Variants in BRWD1 observed in about 807,000 individuals in gnomAD.
BRWD1 encodes the protein bromodomain and WD repeat domain containing 1.
A neutral mutation model predicts 251.2 loss-of-function variants in BRWD1; 82 were observed. That is an observed-to-expected ratio of 0.33 (90% CI 0.27 to 0.39). BRWD1 has a LOEUF of 0.39. Among genes scored for constraint, BRWD1 ranks in the 10% least tolerant of loss-of-function variants. The pLI is 1.00. For missense variants in BRWD1, 2,233 were observed against 2,711.6 expected (o/e 0.82, Z 3.92); for synonymous variants, 918 against 902.8 (o/e 1.02, Z -0.30).
rs115462950 is a variant in BRWD1 at position 39,206,186 on chromosome 21, T to C, written c.4286A>G (p.Asn1429Ser). Reference sequence around the variant, plus strand: ...CCTCTGGCTTCTTCGAAGTTTTTCATTGAATTTTTGACCAATTTTAAAATC... The same window carrying C: ...CCTCTGGCTTCTTCGAAGTTTTTCACTGAATTTTTGACCAATTTTAAAATC... ...SSDFKIGQKF[N>S]EKLRRSQRFK... is the part of the protein sequence containing the mutation. The change falls in exon 37 of 41, where the codon AAT becomes AGT. Residue 1429 changes from asparagine to serine, a missense_variant. Asn to Ser is a conservative substitution (Grantham distance 46). This residue lies in a region of BRWD1 where 928 missense variants were observed against 970.0 expected (regional missense o/e 0.96). Transcript: ENST00000342449. The C allele has an allele frequency of 7.7e-5, 124 of 1,613,628 alleles. 1 individual carries two copies. Among genetic ancestry groups the C allele is most frequent in the African/African-American group, 5.5e-4 (41 of 75,036 alleles).
At chr21:39,225,628 C>A (rs1298093777) in intron 27 of BRWD1, among the ~76,000 whole-genome samples, 1 of 151,976 alleles carries the variant, frequency 6.6e-6, no homozygotes, top group African/African-American at 2.4e-5. Context: ...TAGAAATAAT[C>A]AAAATTAAAG....
chr21:39,309,754 GGCGGA>G (rs533563714), intron 4 of BRWD1, among the ~76,000 whole-genome samples: 184 of 151,236 alleles, frequency 1.2e-3, no homozygotes, highest in African/African-American at 4.1e-3. Flanking sequence ...GAATCCGGGA[GGCGGA>G]GCTTGCAGTG....
At chr21:39,207,207 G>A (rs11909577) in intron 36 of BRWD1, among the ~76,000 whole-genome samples, 2,318 of 152,172 alleles carry the variant, frequency 0.015, 56 homozygotes, top group African/African-American at 0.053. Context: ...GGCCGAGGCA[G>A]GCAGATCACT....
rs2031773288 is a variant in BRWD1, at chr21:39,195,638, TAAG to T, written c.*618_*620del. On this transcript the variant is annotated 3_prime_UTR_variant, in exon 41 of 41. Coordinates refer to ENST00000342449, the MANE Select transcript of BRWD1 (RefSeq NM_033656.4). ...AACATAAAAGTGACAACGTTTTCCTTAAGAAGAAAAAAACCCAACAGCACTTGG... is the reference window on the plus strand; with the variant it reads ...AACATAAAAGTGACAACGTTTTCCTTAAGAAAAAAACCCAACAGCACTTGG... 7.1e-6 allele frequency: 7 copies of T among 984,580 alleles called. No individual in the cohort carries two copies. The highest frequency in any genetic ancestry group is 6.2e-5 in the Admixed American group (1 of 16,214). The allele number at this position is 984,580 out of a possible 1,614,324, so 61.0% of individuals were successfully genotyped here.
chr21:39,277,790 T>C (rs1213529274), intron 10 of BRWD1, among the ~76,000 whole-genome samples: 2 of 152,110 alleles, frequency 1.3e-5, no homozygotes, highest in Non-Finnish European at 2.9e-5. Flanking sequence ...GGTCTCGAAC[T>C]CCTGACCTCA....
intron 13 of BRWD1, among the ~76,000 whole-genome samples, chr21:39,273,719 G>A (rs1323141923): frequency 6.6e-6 from 1 of 152,092 alleles, no homozygotes; most frequent in African/African-American, 2.4e-5. Context: ...TACCACTGGC[G>A]CTCCAGCCTG....
rs1171102249 is a variant in BRWD1 at position 39,187,021 on chromosome 21, A to G, written c.*9238T>C. The G allele has an allele frequency of 7.8e-6, 12 of 1,542,542 alleles. No individual in the cohort carries two copies. Among genetic ancestry groups the G allele is most frequent in the Non-Finnish European group, 9.5e-6 (11 of 1,151,940 alleles). On this transcript the variant is annotated 3_prime_UTR_variant, in exon 41 of 41. Coordinates refer to ENST00000342449, the MANE Select transcript of BRWD1 (RefSeq NM_033656.4). ...TCAGATGCCACTTCTACATTCTCAT[A>G]GTCACTATTGTGCATTTTCTTTCCA... is the stretch of plus-strand genomic sequence containing the variant.
intron 12 of BRWD1, among the ~76,000 whole-genome samples, 153 bp downstream of exon 12, chr21:39,276,020 G>A (rs545142459): frequency 2.0e-5 from 3 of 151,712 alleles, no homozygotes; most frequent in South Asian, 2.1e-4. Context: ...CAACGAGAGC[G>A]AAACTCCATC....
intron 10 of BRWD1, chr21:39,278,421 C>T (rs552879640): frequency 3.8e-6 from 1 of 262,050 alleles, no homozygotes; most frequent in African/African-American, 2.2e-5. Flanking sequence ...CAAACATACA[C>T]AGTTTAGCCT....
At position 39,198,783 on chromosome 21, in the gene BRWD1, T is replaced by G. The variant is rs767035121; in HGVS notation, c.5633A>C (p.Lys1878Thr). Reference protein sequence around the residue: ...DLDSDDDKIEKPNNFMKDSAS... With the variant: ...DLDSDDDKIETPNNFMKDSAS... ...ATTACCTTTCATAAAATTGTTTGGT[T>G]TTTCTATTTTGTCATCATCTGAATC... The change falls in exon 40 of 41, where the codon AAA becomes ACA. Residue 1878 changes from lysine to threonine, a missense_variant. Physicochemically the swap from Lys to Thr is moderately conservative, Grantham distance 78. Coordinates refer to ENST00000342449, the MANE Select transcript of BRWD1 (RefSeq NM_033656.4). 6.3e-7 allele frequency: 1 copy of G among 1,588,750 alleles called. No homozygotes were observed. Among genetic ancestry groups the G allele is most frequent in the Non-Finnish European group, 8.6e-7 (1 of 1,169,504 alleles).
Position 39,236,633 on chromosome 21 carries a change from T to G in BRWD1, c.2728A>C (p.Arg910=). 6.2e-7 allele frequency: 1 copy of G among 1,610,910 alleles called. No individual in the cohort carries two copies. The highest frequency in any genetic ancestry group is 8.5e-7 in the Non-Finnish European group (1 of 1,178,930). Residue 910 remains arginine, a synonymous_variant, in exon 23 of 41, where the codon AGA becomes CGA. Coordinates refer to ENST00000342449, the MANE Select transcript of BRWD1 (RefSeq NM_033656.4). The stretch of plus-strand genomic sequence containing the variant: ...TTATTTTCTTTCTTTCTCTTTCGTC[T>G]TCTTTTTGGAGGAGATAAATTCTCA... The part of the protein sequence containing the change: ...STENLSPPKR[R]RKRKKENKPK...
intron 1 of BRWD1, among the ~76,000 whole-genome samples, chr21:39,320,017 T>C (rs2036732544): frequency 6.6e-6 from 1 of 152,226 alleles, no homozygotes; most frequent in Non-Finnish European, 1.5e-5. Flanking sequence ...ACTCCTTGGC[T>C]TGCTTTTAAC....
At position 39,195,048 on chromosome 21, in the gene BRWD1, T is replaced by C. The variant is rs1441133147; in HGVS notation, c.*1211A>G. The C allele has an allele frequency of 7.6e-7, 1 of 1,323,420 alleles. No homozygotes were observed. The highest frequency in any genetic ancestry group is 3.0e-5 in the East Asian group (1 of 33,058). The allele number at this position is 1,323,420 out of a possible 1,614,324, so 82.0% of individuals were successfully genotyped here. On this transcript the variant is annotated 3_prime_UTR_variant, in exon 41 of 41. Transcript: ENST00000342449. ...CAAGTATTTGGTTAGAAAATAAGTG[T>C]ACTATTTGTGTGATAAACTTTCACT...
At chr21:39,312,201 C>G (rs1191022684) in intron 4 of BRWD1, among the ~76,000 whole-genome samples, 2 of 152,108 alleles carry the variant, frequency 1.3e-5, no homozygotes, top group Admixed American at 1.3e-4. Context: ...AAGAAAAGTG[C>G]CTATTTAAAG....
Position 39,273,318 on chromosome 21 carries a change from TAAAG to T in BRWD1, c.1244+1052_1244+1055del, listed in dbSNP as rs1436924368. Among the ~76,000 whole-genome samples, 6 of 152,302 alleles carry T rather than the reference TAAAG, an allele frequency of 3.9e-5. No individual in the cohort carries two copies. The East Asian group carries it at 7.7e-4, about 20-fold the overall frequency. On this transcript the variant is annotated intron_variant, in intron 13 of 40. Transcript: ENST00000342449. The stretch of plus-strand genomic sequence containing the variant: ...TGAGATGTAACATTTTTATATATAA[TAAAG>T]ATTTTTTAATTTGTTTATGAGCAAG...
At chr21:39,250,945 A>T (rs2034374347) in intron 19 of BRWD1, 56 bp from the exon 20 acceptor site, 4 of 1,030,162 alleles carry the variant, frequency 3.9e-6, no homozygotes. Context: ...TAACTAAAGG[A>T]TATAAAGAAT....
intron 27 of BRWD1, among the ~76,000 whole-genome samples, chr21:39,225,745 A>G (rs2033358166): frequency 1.3e-5 from 2 of 152,206 alleles, no homozygotes; most frequent in Admixed American, 6.5e-5. Context: ...AAATAATGCC[A>G]TAACTACTAG....
At chr21:39,271,360 C>T (rs2035095842) in intron 13 of BRWD1, among the ~76,000 whole-genome samples, 1 of 150,976 alleles carries the variant, frequency 6.6e-6, no homozygotes, top group African/African-American at 2.4e-5. Flanking sequence ...TAGGGAAGGC[C>T]TAATGGTTCT....
At chr21:39,236,178 G>A (rs117538894) in intron 23 of BRWD1, among the ~76,000 whole-genome samples, 1,838 of 152,236 alleles carry the variant, frequency 0.012, 13 homozygotes, top group Middle Eastern at 0.031. Context: ...CAAGTCTCTC[G>A]CGGGGAGACC....
Sources: gnomAD v4.1 joint callset for allele counts (sites outside exome capture counted in the v4.1 genomes callset) on GRCh38, gnomAD v4.1.1 for gene constraint, gnomAD v4.1.1 regional missense constraint, MANE v1.5 for transcripts, NCBI Gene and HGNC (gene_info 2026-07-23, HGNC 2026-07-21) for gene names.